The following TRMT9B variants were observed in gnomAD, a reference collection of about 807,000 sequenced individuals.
TRMT9B encodes probable tRNA methyltransferase 9B.
TRMT9B carries 16 observed loss-of-function variants against 11.5 expected under a neutral mutation model. The ratio of observed to expected loss-of-function variants is 1.39; its 90% CI spans 0.94 to 2.11. TRMT9B has a LOEUF of 2.11. Among genes scored for constraint, TRMT9B ranks in the 30% most tolerant of loss-of-function variants. The pLI, the probability that TRMT9B is intolerant of heterozygous loss-of-function variation, is 0.00. For synonymous variants in TRMT9B, 274 were observed against 192.4 expected (o/e 1.42, Z -3.51); for missense variants, 941 against 553.8 (o/e 1.70, Z -7.02).
chr8:12,966,869 G>A (rs938965118), intron 1 of TRMT9B, among the ~76,000 whole-genome samples: 2 of 152,106 alleles, frequency 1.3e-5, no homozygotes, highest in Admixed American at 1.3e-4. Context: ...TCCCAGAGGA[G>A]CAAAAAAATC....
intron 4 of TRMT9B, among the ~76,000 whole-genome samples, chr8:13,020,488 G>T (rs923160369): frequency 2.0e-5 from 3 of 152,116 alleles, no homozygotes; most frequent in Non-Finnish European, 4.4e-5. Flanking sequence ...GACTTGGGGT[G>T]AGCTGCTGAT....
chr8:12,948,427 AT>A (rs1452012009), intron 1 of TRMT9B, among the ~76,000 whole-genome samples: 4 of 148,286 alleles, frequency 2.7e-5, no homozygotes, highest in Non-Finnish European at 4.5e-5. Context: ...TATATAATAT[AT>A]TCTGTTATAT....
chr8:12,960,980 A>C (rs1041478912), intron 1 of TRMT9B, among the ~76,000 whole-genome samples: 1 of 152,118 alleles, frequency 6.6e-6, no homozygotes, highest in African/African-American at 2.4e-5. Flanking sequence ...GTCTCTACTA[A>C]AAATACAAAA....
chr8:12,981,850 C>T (rs532878805), intron 1 of TRMT9B, among the ~76,000 whole-genome samples: 25 of 152,238 alleles, frequency 1.6e-4, no homozygotes, highest in Middle Eastern at 3.4e-3. Flanking sequence ...CATCCTGCCT[C>T]AGCCTCCCAA....
At position 13,006,261 on chromosome 8, in the gene TRMT9B, C is replaced by A. The variant is rs369746383; in HGVS notation, c.59C>A (p.Thr20Lys). The A allele has an allele frequency of 6.2e-7, 1 of 1,614,014 alleles. No homozygotes were observed. The highest frequency in any genetic ancestry group is 1.7e-5 in the Admixed American group (1 of 60,016). Reference sequence around the variant, plus strand: ...CATGTGCACAATGTGTACGAGAGCACAGCCCCTTACTTCAGCGACCTGCAG... The same window carrying A: ...CATGTGCACAATGTGTACGAGAGCAAAGCCCCTTACTTCAGCGACCTGCAG... ...KQHVHNVYESTAPYFSDLQSK... is the reference protein window; with the variant it reads ...KQHVHNVYESKAPYFSDLQSK... Residue 20 changes from threonine (T) to lysine (K), a missense_variant, in exon 3 of 5, where the codon ACA (threonine) becomes AAA (lysine). Physicochemically the swap from Thr to Lys is moderately conservative, Grantham distance 78. Transcript: ENST00000524591.
intron 1 of TRMT9B, among the ~76,000 whole-genome samples, chr8:12,963,734 A>G (rs902582243): frequency 2.0e-4 from 31 of 152,210 alleles, no homozygotes; most frequent in African/African-American, 7.2e-4. Context: ...GCGCAGCAGA[A>G]GAAGACCCTG....
At chr8:12,960,620 T>G (rs887823835) in intron 1 of TRMT9B, 1 of 152,186 alleles carries the variant, frequency 6.6e-6, no homozygotes, top group Non-Finnish European at 1.5e-5. Flanking sequence ...GGAATATTAT[T>G]TAGTGATTAA....
rs200498261 is a variant in TRMT9B, at chr8:13,021,575, C to T, written c.896C>T (p.Pro299Leu). 2 of 1,613,872 alleles carry T rather than the reference C, an allele frequency of 1.2e-6. No homozygotes were observed. The highest frequency in any genetic ancestry group is 1.1e-5 in the South Asian group (1 of 91,072). Residue 299 changes from proline (P) to leucine (L), a missense_variant, in exon 5 of 5, where the codon CCA becomes CTA. Transcript: ENST00000524591. ...HSSLDFDHQE[P>L]FSTKGQSLDE... ...AGTTTAGACTTTGATCACCAAGAGCCATTTTCAACAAAAGGGCAAAGTTTA... is the reference window on the plus strand; with the variant it reads ...AGTTTAGACTTTGATCACCAAGAGCTATTTTCAACAAAAGGGCAAAGTTTA...
intron 1 of TRMT9B, among the ~76,000 whole-genome samples, chr8:12,963,415 A>G (rs1334701170): frequency 6.6e-6 from 1 of 152,186 alleles, no homozygotes; most frequent in Non-Finnish European, 1.5e-5. Flanking sequence ...CCTGGGAGAC[A>G]GAGTGAGACT....
intron 1 of TRMT9B, among the ~76,000 whole-genome samples, chr8:12,965,929 C>G (rs1266933596): frequency 6.6e-6 from 1 of 151,920 alleles, no homozygotes; most frequent in African/African-American, 2.4e-5. Flanking sequence ...AGGAGAACCA[C>G]TTGAACCTGG....
chr8:13,008,081 A>G (rs905281628), intron 3 of TRMT9B, among the ~76,000 whole-genome samples: 6 of 152,198 alleles, frequency 3.9e-5, no homozygotes, highest in African/African-American at 1.2e-4. Context: ...TGTAAGCTTC[A>G]GGTCACAACA....
rs536914592 is a variant in TRMT9B, at chr8:12,965,235, A to T, written c.-200+19269A>T. ...ATAAGCATTCAAGCCATATGGCTGA[A>T]TTGGTTTTTGTAGGTATTAAGCAGG... On this transcript the variant is annotated intron_variant, in intron 1 of 4. Coordinates refer to ENST00000524591, the MANE Select transcript of TRMT9B (RefSeq NM_020844.3). Among the ~76,000 whole-genome samples the T allele has an allele frequency of 3.9e-5, 6 of 152,346 alleles. No homozygotes were observed. The South Asian group carries it at 1.2e-3, about 32-fold the overall frequency.
rs1191808971 is a variant in TRMT9B at position 13,029,509 on chromosome 8, A to T, written c.*7465A>T. On this transcript the variant is annotated 3_prime_UTR_variant, in exon 5 of 5. Transcript: ENST00000524591. Reference sequence around the variant, plus strand: ...TATTCAATTATTTAAGTTAAGTATCAGTGTATTTTTAAAAAGTGTTCCCAG... The same window carrying T: ...TATTCAATTATTTAAGTTAAGTATCTGTGTATTTTTAAAAAGTGTTCCCAG... 1 of 166,944 alleles carries T rather than the reference A, an allele frequency of 6.0e-6. No homozygotes were observed. The highest frequency in any genetic ancestry group is 1.5e-5 in the Non-Finnish European group (1 of 68,114). The allele number at this position is 166,944 out of a possible 1,614,324, so 10.3% of individuals were successfully genotyped here.
rs1470766131 is a variant in TRMT9B, at chr8:13,001,630, A to G, written c.-1-4572A>G. ...CAGAATATTATTTCCTAAAAAGACA[A>G]GAGGTGTTTAAAGACAGAAAGAGTA... On this transcript the variant is annotated intron_variant, in intron 2 of 4. Coordinates refer to ENST00000524591, the MANE Select transcript of TRMT9B (RefSeq NM_020844.3). 2.0e-5 allele frequency among the ~76,000 whole-genome samples: 3 copies of G among 152,342 alleles called. No individual in the cohort carries two copies. The East Asian group carries it at 5.8e-4, about 29-fold the overall frequency.
chr8:13,011,183 A>T, intron 3 of TRMT9B: 1 of 449,864 alleles, frequency 2.2e-6, no homozygotes, highest in Non-Finnish European at 2.9e-6. Context: ...GAGGGGTTTC[A>T]TCATGTTGGC....
intron 1 of TRMT9B, among the ~76,000 whole-genome samples, chr8:12,956,546 AT>A (rs1385981093): frequency 6.6e-6 from 1 of 152,228 alleles, no homozygotes; most frequent in Non-Finnish European, 1.5e-5. Context: ...TAGGAAAATG[AT>A]TGTTTAAAAA....
At chr8:12,969,846 ATTTTTTT>A (rs368805990) in intron 1 of TRMT9B, among the ~76,000 whole-genome samples, 25 of 124,354 alleles carry the variant, frequency 2.0e-4, no homozygotes, top group South Asian at 7.7e-4. Context: ...TAATGTTTTA[ATTTTTTT>A]TTTTTTTTTT....
intron 2 of TRMT9B, among the ~76,000 whole-genome samples, chr8:13,000,927 C>G (rs771582161): frequency 6.6e-6 from 1 of 152,048 alleles, no homozygotes; most frequent in Non-Finnish European, 1.5e-5. Flanking sequence ...CCTCAGGACG[C>G]AAGGCTGGTA....
At chr8:12,952,031 C>A (rs1166001303) in intron 1 of TRMT9B, 6 of 177,028 alleles carry the variant, frequency 3.4e-5, no homozygotes, top group South Asian at 3.2e-4. Flanking sequence ...TCTATTTTTT[C>A]CTCTTCCTTT....
Sources: gnomAD v4.1 joint callset for allele counts (sites outside exome capture counted in the v4.1 genomes callset) on GRCh38, gnomAD v4.1.1 for gene constraint, MANE v1.5 for transcripts, NCBI Gene and HGNC (gene_info 2026-07-23, HGNC 2026-07-21) for gene names.